Variants in RNF130 observed in about 807,000 individuals in gnomAD.
The protein encoded by RNF130 is ring finger protein 130.
In RNF130, 21 loss-of-function variants were observed where a neutral mutation model predicts 44.6. That is an observed-to-expected ratio of 0.47 (90% confidence interval 0.33 to 0.68). RNF130 has a LOEUF of 0.68. Among genes scored for constraint, RNF130 ranks in the 30% least tolerant of loss-of-function variants. The pLI, the probability that RNF130 is intolerant of heterozygous loss-of-function variation, is 0.02. For synonymous variants in RNF130, 214 were observed against 210.4 expected, an observed-to-expected ratio of 1.02 and a Z score of -0.15; for missense variants, 479 against 560.6, an observed-to-expected ratio of 0.85 and a Z score of 1.47.
intron 7 of RNF130, among the ~76,000 whole-genome samples, chr5:179,928,323 T>A (rs1375783392): frequency 6.6e-6 from 1 of 152,104 alleles, no homozygotes; most frequent in Non-Finnish European, 1.5e-5. Context: ...AGAATTCCAG[T>A]GGCTCTCTTT....
At chr5:179,970,349 T>C (rs766365784) in intron 6 of RNF130, 61 bp downstream of exon 6, 17 of 1,238,848 alleles carry the variant, frequency 1.4e-5, no homozygotes, top group Non-Finnish European at 1.7e-5. Context: ...TTATGTTATA[T>C]TGTATTACAC....
exon 8 of RNF130, chr5:179,918,467 G>T (rs929648508): frequency 1.3e-5 from 2 of 152,176 alleles, no homozygotes; most frequent in Non-Finnish European, 2.9e-5. Flanking sequence ...ACACGGCAAT[G>T]ATCCGAACTG....
At chr5:180,009,047 G>T (rs991436386) in intron 3 of RNF130, among the ~76,000 whole-genome samples, 1 of 152,186 alleles carries the variant, frequency 6.6e-6, no homozygotes, top group African/African-American at 2.4e-5. Flanking sequence ...TAGCCTTAAA[G>T]AAGTGCTGAG....
rs757837790 is a variant in RNF130, at chr5:179,937,904, CTGTGTG to C, written c.1151-17484_1151-17479del. On this transcript the variant is annotated intron_variant, in intron 7 of 7. Coordinates refer to the RNF130 transcript ENST00000522208. ...GTGTTGACATATGCTTTCAATGAAT[CTGTGTG>C]TGTGTGTGTGTGTGTGTGTGTGTGA... 2.8e-3 allele frequency among the ~76,000 whole-genome samples: 333 copies of C among 119,426 alleles called. 1 individual carries two copies. The highest frequency in any genetic ancestry group is 0.011 in the African/African-American group (313 of 27,710). The allele number at this position is 119,426 out of a possible 152,430, so 78.3% of individuals were successfully genotyped here. A position where few individuals can be genotyped will look rare whatever the true frequency, so the allele number is the denominator to read the frequency against.
intron 4 of RNF130, among the ~76,000 whole-genome samples, chr5:179,978,564 A>C (rs1432647957): frequency 1.1e-4 from 16 of 152,190 alleles, no homozygotes; most frequent in Non-Finnish European, 1.5e-5. Context: ...TCCAGGTTAG[A>C]ATCAGCTTGG....
downstream of RNF130, among the ~76,000 whole-genome samples, chr5:179,953,864 A>T (rs1473463248): frequency 6.6e-6 from 1 of 152,224 alleles, no homozygotes; most frequent in Admixed American, 6.5e-5. Flanking sequence ...GACCTATCTG[A>T]TAAAGGCCTA....
chr5:180,035,269 A>AT (rs1367606048), intron 2 of RNF130, among the ~76,000 whole-genome samples: 1 of 152,080 alleles, frequency 6.6e-6, no homozygotes, highest in East Asian at 1.9e-4. Flanking sequence ...TTCCTTTTGA[A>AT]TTTTTTATTG....
At chr5:179,914,542 C>T (rs1167713988) in exon 8 of RNF130, 1 of 152,424 alleles carries the variant, frequency 6.6e-6, no homozygotes, top group Admixed American at 6.5e-5. Flanking sequence ...CTCTGGCTTC[C>T]ACCTCCATCT....
chr5:180,025,991 T>C (rs1763975872), intron 2 of RNF130, among the ~76,000 whole-genome samples: 1 of 152,156 alleles, frequency 6.6e-6, no homozygotes, highest in Admixed American at 6.5e-5. Flanking sequence ...GTGAATTTTC[T>C]ATATTTTACA....
At chr5:180,031,709 G>T (rs191221199) in intron 2 of RNF130, among the ~76,000 whole-genome samples, 1 of 152,302 alleles carries the variant, frequency 6.6e-6, no homozygotes, top group African/African-American at 2.4e-5. Flanking sequence ...GCTGCTATGA[G>T]CATTTGTGTG....
At chr5:180,060,876 T>A (rs903012810) in intron 1 of RNF130, among the ~76,000 whole-genome samples, 1 of 152,022 alleles carries the variant, frequency 6.6e-6, no homozygotes, top group Non-Finnish European at 1.5e-5. Flanking sequence ...GAGACCATCC[T>A]GGCTAACACG....
chr5:179,967,071 TA>T (rs1762468677), intron 6 of RNF130, 61 bp from the exon 7 acceptor site: 3 of 1,470,116 alleles, frequency 2.0e-6, no homozygotes, highest in African/African-American at 1.4e-5. Context: ...CATAAGATTC[TA>T]AAAAAGATTC....
chr5:179,959,117 T>C (rs1762271044), intron 8 of RNF130, among the ~76,000 whole-genome samples: 1 of 152,106 alleles, frequency 6.6e-6, no homozygotes. Context: ...AACCAGGCAA[T>C]ACGGGTAAAA....
chr5:179,989,107 C>T (rs975378003), intron 3 of RNF130, among the ~76,000 whole-genome samples: 2 of 152,184 alleles, frequency 1.3e-5, no homozygotes, highest in African/African-American at 4.8e-5. Context: ...GCAGAAGGCA[C>T]CTCTTCACAG....
chr5:179,973,087 C>A (rs1256396663), intron 5 of RNF130, among the ~76,000 whole-genome samples: 1 of 152,100 alleles, frequency 6.6e-6, no homozygotes, highest in South Asian at 2.1e-4. Context: ...TTGGGCTCTC[C>A]ATCCACCCCA....
At chr5:179,989,967 C>G (rs560891689) in intron 3 of RNF130, among the ~76,000 whole-genome samples, 1 of 152,164 alleles carries the variant, frequency 6.6e-6, no homozygotes, top group African/African-American at 2.4e-5. Context: ...TCCTTTGAGC[C>G]TCTACTATAG....
intron 1 of RNF130, among the ~76,000 whole-genome samples, chr5:180,044,095 C>T (rs1196419686): frequency 6.6e-6 from 1 of 152,120 alleles, no homozygotes; most frequent in Non-Finnish European, 1.5e-5. Context: ...TACACTTGAG[C>T]AATTTATTAA....
chr5:180,055,635 T>TA (rs1353884553), intron 1 of RNF130, among the ~76,000 whole-genome samples: 2 of 152,206 alleles, frequency 1.3e-5, no homozygotes, highest in Non-Finnish European at 1.5e-5. Flanking sequence ...AGCCATACAC[T>TA]ACTCAGTTAC....
intron 3 of RNF130, among the ~76,000 whole-genome samples, chr5:179,983,190 G>C (rs1230607989): frequency 1.3e-5 from 2 of 152,118 alleles, no homozygotes; most frequent in African/African-American, 4.8e-5. Context: ...TTGGTAGACT[G>C]TGCTCTAGTA....
Sources: allele counts gnomAD v4.1 joint callset (sites outside exome capture counted in the v4.1 genomes callset), GRCh38; gene constraint gnomAD v4.1.1; transcripts MANE v1.5; gene names NCBI Gene and HGNC (gene_info 2026-07-23, HGNC 2026-07-21).